Variants in ZBTB16 observed in about 807,000 individuals in gnomAD.
The protein encoded by ZBTB16 is zinc finger and BTB domain containing 16, also known as zinc finger and BTB domain-containing protein 16.
In ZBTB16, 8 loss-of-function variants were observed where a neutral mutation model predicts 56.8. The ratio of observed to expected loss-of-function variants is 0.14; its 90% CI spans 0.08 to 0.25. The LOEUF (loss-of-function observed/expected upper bound fraction) is 0.25. ZBTB16 is among the 10% of genes least tolerant of loss of function. ZBTB16 has a pLI of 1.00. For synonymous variants in ZBTB16, 363 were observed against 368.5 expected (o/e 0.98, Z 0.17); for missense variants, 625 against 903.0 (o/e 0.69, Z 3.95).
chr11:114,163,142 A>G (rs1186591872), intron 3 of ZBTB16, among the ~76,000 whole-genome samples: 1 of 152,186 alleles, frequency 6.6e-6, no homozygotes, highest in Non-Finnish European at 1.5e-5. Context: ...CTGGCTGATG[A>G]AAAATACATT....
rs1208273703 is a variant in ZBTB16, at chr11:114,143,679, G to A, written c.1269-12658G>A. 1.3e-5 allele frequency among the ~76,000 whole-genome samples: 2 copies of A among 152,186 alleles called. No individual in the cohort carries two copies. Among genetic ancestry groups the A allele is most frequent in the Non-Finnish European group, 2.9e-5 (2 of 68,038 alleles). On this transcript the variant is annotated intron_variant, in intron 2 of 6. Transcript: ENST00000335953. The surrounding 1 kb of genome is among the most constrained non-coding windows in gnomAD (Gnocchi z 6.4). Reference sequence around the variant, plus strand: ...GGGGCCAACGTCCTTGTGCATTGAGGCTCCAGCCTCTCTTCTCCTCCATGC... The same window carrying A: ...GGGGCCAACGTCCTTGTGCATTGAGACTCCAGCCTCTCTTCTCCTCCATGC...
intron 3 of ZBTB16, among the ~76,000 whole-genome samples, chr11:114,178,822 A>G (rs896706478): frequency 1.3e-5 from 2 of 152,186 alleles, no homozygotes; most frequent in East Asian, 1.9e-4. Context: ...GACCCAGTCC[A>G]GGGTTTCCTC....
intron 2 of ZBTB16, among the ~76,000 whole-genome samples, chr11:114,065,047 G>C (rs971389333): frequency 1.3e-5 from 2 of 152,144 alleles, no homozygotes; most frequent in African/African-American, 4.8e-5. Flanking sequence ...GGGAGGGTCT[G>C]GGGGCTGCTT....
At chr11:114,115,944 A>G (rs1486047665) in intron 2 of ZBTB16, among the ~76,000 whole-genome samples, 1 of 152,216 alleles carries the variant, frequency 6.6e-6, no homozygotes, top group Non-Finnish European at 1.5e-5. Context: ...AGCCATGGGC[A>G]GCTGGCTATA....
chr11:114,127,860 C>T (rs1056726880), intron 2 of ZBTB16, among the ~76,000 whole-genome samples: 3 of 152,108 alleles, frequency 2.0e-5, no homozygotes, highest in Non-Finnish European at 4.4e-5. Flanking sequence ...TGTGATTAGC[C>T]TTTTGCCCTG....
intron 4 of ZBTB16, among the ~76,000 whole-genome samples, chr11:114,239,154 C>T (rs77001093): frequency 0.036 from 5,423 of 152,246 alleles, 327 homozygotes; most frequent in African/African-American, 0.12. Flanking sequence ...GGGCAGAGTG[C>T]TGCAGTCTGC....
Position 114,242,234 on chromosome 11 carries a change from G to A in ZBTB16, c.1521G>A (p.Gln507=), listed in dbSNP as rs753894958. The change falls in exon 5 of 7, where the codon CAG becomes CAA. Residue 507 remains glutamine, a synonymous_variant. Coordinates refer to ENST00000335953, the MANE Select transcript of ZBTB16 (RefSeq NM_006006.6). ...TCCAGGCGCAGAGCGCACTGCAGCA[G>A]CACATGGAGGTCCACGCGGGCGTGC... ...KRFQAQSALQ[Q]HMEVHAGVRS... 6.2e-7 allele frequency: 1 copy of A among 1,613,998 alleles called. No individual in the cohort carries two copies. The highest frequency in any genetic ancestry group is 1.1e-5 in the South Asian group (1 of 91,090).
chr11:114,202,910 A>G (rs1260346977), intron 4 of ZBTB16, among the ~76,000 whole-genome samples: 1 of 152,170 alleles, frequency 6.6e-6, no homozygotes, highest in Non-Finnish European at 1.5e-5. Flanking sequence ...TGTGGGAGAG[A>G]GACAAATGAC....
Position 114,242,305 on chromosome 11 carries a change from C to T in ZBTB16, c.1592C>T (p.Thr531Met), listed in dbSNP as rs759456339. ...TGCAACCGCACCTTCCCCAGCCACA[C>T]GGCTCTCAAACGCCACCTGCGCTCA... Reference protein sequence around the residue: ...SECNRTFPSHTALKRHLRSHT... With the variant: ...SECNRTFPSHMALKRHLRSHT... The change falls in exon 5 of 7, where the codon ACG becomes ATG. Residue 531 changes from threonine (T) to methionine (M), a missense_variant. This residue lies in a region of ZBTB16 where 140 missense variants were observed against 214.8 expected (regional missense o/e 0.65). Transcript: ENST00000335953. 1.2e-6 allele frequency: 2 copies of T among 1,613,998 alleles called. No individual in the cohort carries two copies. The highest frequency in any genetic ancestry group is 1.7e-5 in the Admixed American group (1 of 60,030).
intron 4 of ZBTB16, among the ~76,000 whole-genome samples, chr11:114,217,629 A>G (rs905473466): frequency 1.3e-5 from 2 of 152,148 alleles, no homozygotes; most frequent in African/African-American, 2.4e-5. Flanking sequence ...AGCTAGGTAT[A>G]TGGATTTTGT....
chr11:114,240,011 C>T (rs921264961), intron 4 of ZBTB16, among the ~76,000 whole-genome samples: 7 of 152,224 alleles, frequency 4.6e-5, no homozygotes, highest in African/African-American at 1.7e-4. Flanking sequence ...AATGAACTGA[C>T]AACATAGATA....
intron 2 of ZBTB16, among the ~76,000 whole-genome samples, chr11:114,138,674 T>A (rs185169766): frequency 4.0e-5 from 6 of 148,870 alleles, no homozygotes; most frequent in East Asian, 4.0e-4. Flanking sequence ...TCCTCTTTTT[T>A]AATTTTTTTT....
chr11:114,219,211 A>G (rs1565692614), intron 4 of ZBTB16, among the ~76,000 whole-genome samples: 1 of 152,172 alleles, frequency 6.6e-6, no homozygotes, highest in Non-Finnish European at 1.5e-5. Flanking sequence ...GTTGAAGATT[A>G]TTACATCCCC....
At chr11:114,085,496 GA>G (rs939853778) in intron 2 of ZBTB16, among the ~76,000 whole-genome samples, 2 of 131,988 alleles carry the variant, frequency 1.5e-5, no homozygotes, top group Non-Finnish European at 3.5e-5. Context: ...ATATGTGTAT[GA>G]CTTTGTGTGT....
chr11:114,175,424 A>G (rs780844987), intron 3 of ZBTB16, among the ~76,000 whole-genome samples: 2 of 151,492 alleles, frequency 1.3e-5, no homozygotes, highest in Non-Finnish European at 2.9e-5. Context: ...TCTCCCAACA[A>G]CTCTAAGATT....
intron 3 of ZBTB16, among the ~76,000 whole-genome samples, chr11:114,181,114 T>G (rs903075791): frequency 1.3e-5 from 2 of 152,206 alleles, no homozygotes; most frequent in African/African-American, 4.8e-5. Context: ...TGAGACTCAC[T>G]TTACACAAGA....
At chr11:114,156,661 C>A (rs2134959104) in intron 3 of ZBTB16, among the ~76,000 whole-genome samples, 1 of 152,296 alleles carries the variant, frequency 6.6e-6, no homozygotes, top group East Asian at 1.9e-4. Context: ...GTTTCCCAGG[C>A]ATCAGTGGCA....
chr11:114,200,752 C>T (rs1943720607), intron 4 of ZBTB16, among the ~76,000 whole-genome samples: 1 of 152,164 alleles, frequency 6.6e-6, no homozygotes, highest in Non-Finnish European at 1.5e-5. Flanking sequence ...TGCCCATGCT[C>T]AGCCCCTCAA....
chr11:114,241,354 C>CG (rs1944698702), intron 4 of ZBTB16, among the ~76,000 whole-genome samples: 2 of 152,268 alleles, frequency 1.3e-5, no homozygotes, highest in Admixed American at 1.3e-4. Flanking sequence ...CCCCAACCCC[C>CG]GGGCCATGGT....
Sources: allele counts gnomAD v4.1 joint callset (sites outside exome capture counted in the v4.1 genomes callset), GRCh38; gene constraint gnomAD v4.1.1; regional missense constraint gnomAD v4.1.1; non-coding constraint Gnocchi (gnomAD v3.1); transcripts MANE v1.5; gene names NCBI Gene and HGNC (gene_info 2026-07-23, HGNC 2026-07-21).